Variants in HSPA12A observed in about 807,000 individuals in gnomAD.
HSPA12A encodes the protein heat shock protein family A (Hsp70) member 12A.
A neutral mutation model predicts 69.2 loss-of-function variants in HSPA12A; 28 were observed. That is an observed-to-expected ratio of 0.40 (90% confidence interval 0.30 to 0.55). The LOEUF (loss-of-function observed/expected upper bound fraction) is 0.55, where lower values mean the gene tolerates loss of function less well. Among genes scored for constraint, HSPA12A ranks in the 20% least tolerant of loss-of-function variants. HSPA12A has a pLI of 0.38. For synonymous variants in HSPA12A, 345 were observed against 370.5 expected (o/e 0.93, Z 0.79); for missense variants, 686 against 900.7 (o/e 0.76, Z 3.05).
chr10:116,681,516 C>T (rs1185112279), intron 8 of HSPA12A, among the ~76,000 whole-genome samples: 5 of 152,202 alleles, frequency 3.3e-5, no homozygotes, highest in African/African-American at 4.8e-5. Context: ...CTGGCACGTA[C>T]TTAGTGGGCA....
chr10:116,744,629 T>A (rs1233982396), upstream of HSPA12A, among the ~76,000 whole-genome samples: 1 of 152,254 alleles, frequency 6.6e-6, no homozygotes, highest in Non-Finnish European at 1.5e-5. Context: ...CAGCGCACAC[T>A]CTGCCTGGGA....
chr10:116,762,079 T>C (rs920009778), intron 2 of HSPA12A, among the ~76,000 whole-genome samples: 1 of 152,256 alleles, frequency 6.6e-6, no homozygotes. Flanking sequence ...TTTCACATGC[T>C]AGGCACTGTG....
At chr10:116,725,257 A>G (rs1564796729) in intron 1 of HSPA12A, among the ~76,000 whole-genome samples, 1 of 152,168 alleles carries the variant, frequency 6.6e-6, no homozygotes, top group Non-Finnish European at 1.5e-5. Context: ...CCCTGCCTGA[A>G]GTGAGCCAGC....
intron 3 of HSPA12A, among the ~76,000 whole-genome samples, chr10:116,702,095 C>A (rs1850092516): frequency 6.6e-6 from 1 of 150,494 alleles, no homozygotes; most frequent in Admixed American, 6.6e-5. Context: ...GGCAACACAG[C>A]AAGACCCTAT....
upstream of HSPA12A, among the ~76,000 whole-genome samples, chr10:116,743,096 T>C (rs555211405): frequency 1.0e-3 from 62 of 60,512 alleles, 1 homozygote; most frequent in South Asian, 0.039. Flanking sequence ...ACCAAGGACC[T>C]GCGCGGGGGC....
intron 2 of HSPA12A, among the ~76,000 whole-genome samples, chr10:116,750,899 G>A (rs1589684782): frequency 1.3e-5 from 2 of 152,042 alleles, no homozygotes; most frequent in African/African-American, 2.4e-5. Flanking sequence ...CTTTAGCCTC[G>A]GAGGTCGAGG....
rs56007651 is a variant in HSPA12A, at chr10:116,712,977, AATATATATATATATATATATATAT to A, written c.41-5716_41-5693del. Among the ~76,000 whole-genome samples the A allele has an allele frequency of 2.5e-5, 2 of 80,858 alleles. 1 individual carries two copies. The highest frequency in any genetic ancestry group is 1.3e-3 in the East Asian group (2 of 1,556). The allele number at this position is 80,858 out of a possible 152,430, so 53.0% of individuals were successfully genotyped here. ...TGGTACTTATGATTTTAAAAAATGCAATATATATATATATATATATATATATATATATATTTGCATTTCTTTTTC... is the reference window on the plus strand; with the variant it reads ...TGGTACTTATGATTTTAAAAAATGCAATATATATATTTGCATTTCTTTTTC... On this transcript the variant is annotated intron_variant, in intron 1 of 11. Coordinates refer to ENST00000369209, the MANE Select transcript of HSPA12A (RefSeq NM_025015.3).
chr10:116,730,445 C>T (rs1851114519), intron 1 of HSPA12A, among the ~76,000 whole-genome samples: 1 of 152,256 alleles, frequency 6.6e-6, no homozygotes, highest in African/African-American at 2.4e-5. Flanking sequence ...CCATCCAACA[C>T]TAGCTCCCAG....
chr10:116,833,978 C>A (rs1845666235), intron 2 of HSPA12A, among the ~76,000 whole-genome samples: 2 of 152,186 alleles, frequency 1.3e-5, no homozygotes, highest in Admixed American at 1.3e-4. Flanking sequence ...CAGAGATAAC[C>A]CAAATTGCTG....
At chr10:116,702,172 G>A (rs756964696) in intron 3 of HSPA12A, among the ~76,000 whole-genome samples, 6 of 152,082 alleles carry the variant, frequency 3.9e-5, no homozygotes, top group Non-Finnish European at 8.8e-5. Flanking sequence ...AGGGAAGGGG[G>A]AAGGGGAAGA....
At chr10:116,786,525 A>C (rs1270626047) in intron 2 of HSPA12A, among the ~76,000 whole-genome samples, 1 of 152,236 alleles carries the variant, frequency 6.6e-6, no homozygotes, top group South Asian at 2.1e-4. Flanking sequence ...GTTCTCACAG[A>C]AAAATGTTCG....
At chr10:116,735,283 A>G (rs2133056046) in intron 1 of HSPA12A, among the ~76,000 whole-genome samples, 1 of 152,358 alleles carries the variant, frequency 6.6e-6, no homozygotes, top group East Asian at 1.9e-4. Context: ...ACTCTGTTAG[A>G]TTAAAAATAG....
At chr10:116,834,300 A>C (rs1471718060) in intron 2 of HSPA12A, among the ~76,000 whole-genome samples, 2 of 152,172 alleles carry the variant, frequency 1.3e-5, no homozygotes, top group East Asian at 1.9e-4. Flanking sequence ...AAACCATTTA[A>C]CATCATTAGT....
intron 2 of HSPA12A, 48 bp from the exon 3 acceptor site, chr10:116,705,326 C>T: frequency 6.2e-7 from 1 of 1,611,098 alleles, no homozygotes; most frequent in Non-Finnish European, 8.5e-7. Context: ...GTGGGCCTGG[C>T]TTTCAGGAAG....
chr10:116,831,206 C>T (rs1564834270), intron 2 of HSPA12A: 1 of 152,168 alleles, frequency 6.6e-6, no homozygotes, highest in Non-Finnish European at 1.5e-5. Context: ...TCATTGTTAC[C>T]ACTATTGTTG....
At position 116,679,486 on chromosome 10, in the gene HSPA12A, T is replaced by G. The variant is rs782314856; in HGVS notation, c.1286+17A>C. Reference sequence around the variant, plus strand: ...CCGCTAGAATGTCCAGAGCCCGAGGTGATGAGCCCAACTCACTTGCTTTTC... The same window carrying G: ...CCGCTAGAATGTCCAGAGCCCGAGGGGATGAGCCCAACTCACTTGCTTTTC... On this transcript the variant is annotated intron_variant, in intron 10 of 11. Transcript: ENST00000369209. 14 of 1,609,572 alleles carry G rather than the reference T, an allele frequency of 8.7e-6. No homozygotes were observed. The East Asian group carries it at 2.5e-4, about 28-fold the overall frequency.
chr10:116,687,463 G>A (rs1849608408), intron 6 of HSPA12A, among the ~76,000 whole-genome samples: 1 of 152,190 alleles, frequency 6.6e-6, no homozygotes, highest in Non-Finnish European at 1.5e-5. Context: ...ACAGTAGAGA[G>A]CTGAGGAGAG....
At chr10:116,812,459 A>AAAATAAAATAAAAT (rs1397738404) in intron 2 of HSPA12A, among the ~76,000 whole-genome samples, 2 of 151,522 alleles carry the variant, frequency 1.3e-5, no homozygotes, top group East Asian at 4.2e-4. Context: ...TCTCAAAAAT[A>AAAATAAAATAAAAT]AAATAAAATA....
At chr10:116,799,299 C>T (rs17095269) in intron 2 of HSPA12A, among the ~76,000 whole-genome samples, 1 of 152,150 alleles carries the variant, frequency 6.6e-6, no homozygotes, top group African/African-American at 2.4e-5. Context: ...GAAAACAGGG[C>T]CTTCTGTTCC....
Sources: gnomAD v4.1 joint callset for allele counts (sites outside exome capture counted in the v4.1 genomes callset) on GRCh38, gnomAD v4.1.1 for gene constraint, MANE v1.5 for transcripts, NCBI Gene and HGNC (gene_info 2026-07-23, HGNC 2026-07-21) for gene names.